Variants in LRRTM4 observed in about 807,000 individuals in gnomAD.
LRRTM4 encodes the protein leucine rich repeat transmembrane neuronal 4.
A neutral mutation model predicts 47.6 loss-of-function variants in LRRTM4; 25 were observed. The ratio of observed to expected loss-of-function variants is 0.53; its 90% CI spans 0.38 to 0.73. LRRTM4 has a LOEUF of 0.73. Among genes scored for constraint, LRRTM4 ranks in the 30% least tolerant of loss-of-function variants. LRRTM4 has a pLI of 0.00. For synonymous variants in LRRTM4, 311 were observed against 269.5 expected (o/e 1.15, Z -1.51); for missense variants, 638 against 713.4 (o/e 0.89, Z 1.20).
chr2:77,456,629 A>T (rs72811236), intron 3 of LRRTM4, among the ~76,000 whole-genome samples: 26,123 of 151,904 alleles, frequency 0.17, 2,355 homozygotes, highest in Admixed American at 0.23. Context: ...ATCTCTCTTG[A>T]CTTTGTGCCT....
intron 3 of LRRTM4, among the ~76,000 whole-genome samples, chr2:76,810,302 T>C (rs948833037): frequency 6.6e-6 from 1 of 152,216 alleles, no homozygotes; most frequent in East Asian, 1.9e-4. Context: ...TTTTAAAATT[T>C]GAACATTTTC....
At chr2:77,361,227 CCTT>C (rs1413439628) in intron 3 of LRRTM4, among the ~76,000 whole-genome samples, 1 of 131,910 alleles carries the variant, frequency 7.6e-6, no homozygotes, top group East Asian at 2.8e-4. Flanking sequence ...GATCTCTCCT[CCTT>C]CATTAAAAAA....
intron 3 of LRRTM4, among the ~76,000 whole-genome samples, chr2:77,431,636 T>A (rs1675380253): frequency 6.7e-6 from 1 of 149,118 alleles, no homozygotes; most frequent in Non-Finnish European, 1.5e-5. Flanking sequence ...TGGATGACAA[T>A]CAGGGTGTGA....
chr2:76,913,943 C>T (rs1674158648), intron 3 of LRRTM4, among the ~76,000 whole-genome samples: 2 of 151,944 alleles, frequency 1.3e-5, no homozygotes, highest in Middle Eastern at 3.4e-3. Flanking sequence ...TAGACTTTTG[C>T]ACTGTTTGAA....
chr2:77,368,955 C>T (rs535179454), intron 3 of LRRTM4, among the ~76,000 whole-genome samples: 67 of 151,862 alleles, frequency 4.4e-4, no homozygotes, highest in African/African-American at 1.5e-3. Flanking sequence ...TCTATATTCC[C>T]ACTAACAGTG....
intron 3 of LRRTM4, among the ~76,000 whole-genome samples, chr2:76,848,500 C>G (rs541426474): frequency 1.4e-4 from 22 of 152,130 alleles, no homozygotes; most frequent in Non-Finnish European, 2.9e-4. Flanking sequence ...CAAATTCGTA[C>G]TTTGTTCATT....
intron 3 of LRRTM4, among the ~76,000 whole-genome samples, chr2:77,088,336 C>G (rs1680796935): frequency 6.6e-6 from 1 of 152,102 alleles, no homozygotes; most frequent in South Asian, 2.1e-4. Flanking sequence ...ATGCCCTGCC[C>G]CACCTTAACT....
intron 3 of LRRTM4, among the ~76,000 whole-genome samples, chr2:76,780,256 G>A (rs531795254): frequency 2.6e-4 from 39 of 152,064 alleles, no homozygotes; most frequent in East Asian, 1.2e-3. Context: ...TGCTCTTCTC[G>A]AGGAGTATCT....
chr2:76,922,766 G>C (rs1674472481), intron 3 of LRRTM4, among the ~76,000 whole-genome samples: 2 of 152,032 alleles, frequency 1.3e-5, no homozygotes, highest in South Asian at 4.1e-4. Context: ...TGAACCTTAA[G>C]TAGTCTCACC....
chr2:77,480,235 A>G (rs1677619104), intron 3 of LRRTM4, among the ~76,000 whole-genome samples: 1 of 152,340 alleles, frequency 6.6e-6, no homozygotes, highest in Admixed American at 6.5e-5. Context: ...TTAAAAAAAA[A>G]AAGATGATCA....
chr2:76,773,823 T>C (rs1427003234), intron 3 of LRRTM4, among the ~76,000 whole-genome samples: 4 of 151,610 alleles, frequency 2.6e-5, no homozygotes, highest in African/African-American at 9.7e-5. Context: ...TTTTTTACCA[T>C]GTAGACAAAA....
At chr2:77,005,379 G>C (rs1194733586) in intron 3 of LRRTM4, among the ~76,000 whole-genome samples, 3 of 152,130 alleles carry the variant, frequency 2.0e-5, no homozygotes, top group African/African-American at 4.8e-5. Context: ...TCTTGACCTT[G>C]TAATCCACCT....
chr2:77,049,473 A>C (rs1272311850), intron 3 of LRRTM4, among the ~76,000 whole-genome samples: 2 of 151,446 alleles, frequency 1.3e-5, no homozygotes, highest in East Asian at 3.9e-4. Context: ...TTGTCTTTTT[A>C]ATAGCAGCCA....
At chr2:77,185,597 C>T (rs1673480241) in intron 3 of LRRTM4, among the ~76,000 whole-genome samples, 1 of 152,010 alleles carries the variant, frequency 6.6e-6, no homozygotes, top group South Asian at 2.1e-4. Context: ...TGAGGGTCAG[C>T]GTTCATGGTT....
intron 3 of LRRTM4, among the ~76,000 whole-genome samples, chr2:77,384,252 C>T (rs1056305990): frequency 1.3e-5 from 2 of 151,156 alleles, no homozygotes; most frequent in African/African-American, 4.8e-5. Context: ...TCACTAAACA[C>T]AACATATAGT....
At chr2:77,165,329 C>T (rs1255323573) in intron 3 of LRRTM4, among the ~76,000 whole-genome samples, 3 of 152,030 alleles carry the variant, frequency 2.0e-5, no homozygotes, top group African/African-American at 7.2e-5. Flanking sequence ...TAATAGCTTA[C>T]CAACCAAAAA....
chr2:76,931,534 T>C (rs1404568707), intron 3 of LRRTM4, among the ~76,000 whole-genome samples: 4 of 152,120 alleles, frequency 2.6e-5, no homozygotes, highest in African/African-American at 9.7e-5. Context: ...ACTCTCTCTC[T>C]CCACCACTTT....
At chr2:77,213,204 C>A (rs1674343205) in intron 3 of LRRTM4, among the ~76,000 whole-genome samples, 1 of 152,104 alleles carries the variant, frequency 6.6e-6, no homozygotes, top group African/African-American at 2.4e-5. Context: ...CTTTTAAATA[C>A]CATCAGCATG....
At chr2:77,084,013 G>T (rs1284391954) in intron 3 of LRRTM4, among the ~76,000 whole-genome samples, 2 of 151,566 alleles carry the variant, frequency 1.3e-5, no homozygotes, top group Admixed American at 6.6e-5. Context: ...CACCATGTTA[G>T]CAAGGATGAT....
Sources: gnomAD v4.1 joint callset for allele counts (sites outside exome capture counted in the v4.1 genomes callset) on GRCh38, gnomAD v4.1.1 for gene constraint, MANE v1.5 for transcripts, NCBI Gene and HGNC (gene_info 2026-07-23, HGNC 2026-07-21) for gene names.